The following ACSM5 variants were observed in gnomAD, a reference collection of about 807,000 sequenced individuals.
The protein encoded by ACSM5 is acyl-coenzyme A synthetase ACSM5, mitochondrial.
ACSM5 carries 56 observed loss-of-function variants against 71.6 expected under a neutral mutation model. That is an observed-to-expected ratio of 0.78 (90% CI 0.63 to 0.98). The LOEUF (loss-of-function observed/expected upper bound fraction) is 0.98. Among genes scored for constraint, ACSM5 ranks in the 50% least tolerant of loss-of-function variants. The probability of loss-of-function intolerance (pLI) is 0.00; values close to 1 mark genes in which losing one functional copy is unlikely to be tolerated. For missense variants in ACSM5, 723 were observed against 726.0 expected (o/e 1.00, Z 0.05); for synonymous variants, 285 against 281.5 (o/e 1.01, Z -0.12).
chr16:20,410,531 C>A (rs141508762), intron 1 of ACSM5, among the ~76,000 whole-genome samples: 120 of 152,192 alleles, frequency 7.9e-4, no homozygotes, highest in Non-Finnish European at 1.5e-3. Flanking sequence ...GGGGTTCAAG[C>A]CCTGCCTGGG....
intron 6 of ACSM5, among the ~76,000 whole-genome samples, chr16:20,424,898 T>A (rs1218075654): frequency 6.6e-6 from 1 of 152,254 alleles, no homozygotes; most frequent in African/African-American, 2.4e-5. Context: ...ATTTATGGGG[T>A]ACATGAGATG....
chr16:20,419,577 A>G, intron 4 of ACSM5, 142 bp downstream of exon 4: 1 of 768,046 alleles, frequency 1.3e-6, no homozygotes, highest in South Asian at 1.7e-5. Context: ...TGACCTGAGC[A>G]TAATCCTGGT....
intron 7 of ACSM5, 25 bp from the exon 8 acceptor site, chr16:20,429,653 G>A (rs1967054439): frequency 6.2e-7 from 1 of 1,613,366 alleles, no homozygotes; most frequent in Admixed American, 1.7e-5. Context: ...TGACATAGGT[G>A]GCCTTGTTTT....
At chr16:20,433,728 G>A (rs1967143940) in intron 10 of ACSM5, among the ~76,000 whole-genome samples, 1 of 152,078 alleles carries the variant, frequency 6.6e-6, no homozygotes, top group Non-Finnish European at 1.5e-5. Context: ...AGGCTGGAGT[G>A]CAGTGGCACA....
At chr16:20,431,110 T>TGGAGAG (rs1297486737) in intron 9 of ACSM5, 37 bp downstream of exon 9, 1 of 1,606,726 alleles carries the variant, frequency 6.2e-7, no homozygotes, top group South Asian at 1.1e-5. Context: ...AGGCCTGGCA[T>TGGAGAG]GGAGAGGAGA....
intron 1 of ACSM5, 123 bp from the exon 2 acceptor site, chr16:20,411,347 A>G (rs1966847247): frequency 1.3e-6 from 1 of 747,416 alleles, no homozygotes; most frequent in African/African-American, 1.7e-5. Flanking sequence ...TGGAGAGTTT[A>G]TTCTACAAGT....
In ACSM5 at chr16:20,421,460, GGGT is replaced by G. The variant is rs1392692796; in HGVS notation, c.767+64_767+66del. 24 of 1,430,774 alleles carry G rather than the reference GGGT, an allele frequency of 1.7e-5. No individual in the cohort carries two copies. The Admixed American group carries it at 6.3e-4, about 37-fold the overall frequency. The allele number at this position is 1,430,774 out of a possible 1,614,324, so 88.6% of individuals were successfully genotyped here. On this transcript the variant is annotated intron_variant, in intron 5 of 13. Transcript: ENST00000331849. ...CAGAAAGTGGGGAGTGGTCTGGAGGGGGTGGTGTGAGGGGAAAGGTGTCAGGAA... is the reference window on the plus strand; with the variant it reads ...CAGAAAGTGGGGAGTGGTCTGGAGGGGGTGTGAGGGGAAAGGTGTCAGGAA...
intron 2 of ACSM5, among the ~76,000 whole-genome samples, chr16:20,414,803 A>C (rs1966853487): frequency 6.6e-6 from 1 of 152,224 alleles, no homozygotes; most frequent in African/African-American, 2.4e-5. Flanking sequence ...AGAAATGCAG[A>C]TATTAATGAT....
chr16:20,433,579 G>T (rs368254406), intron 10 of ACSM5, among the ~76,000 whole-genome samples: 1 of 151,882 alleles, frequency 6.6e-6, no homozygotes, highest in Admixed American at 6.6e-5. Context: ...CAAAAGAAAA[G>T]GAGAAAAAGA....
chr16:20,440,034 G>T (rs1967291596), intron 13 of ACSM5, 115 bp downstream of exon 13: 13 of 1,338,678 alleles, frequency 9.7e-6, no homozygotes, highest in South Asian at 1.3e-5. Flanking sequence ...GGAGAAACTT[G>T]TAACCCTGGC....
At chr16:20,421,615 CTATATATATATATATATATATATATATA>C (rs59443556) in intron 5 of ACSM5, among the ~76,000 whole-genome samples, 2 of 105,820 alleles carry the variant, frequency 1.9e-5, no homozygotes, top group East Asian at 2.6e-4. Flanking sequence ...TAAATCGTGG[CTATATATATATATATATATATATATATA>C]TATATATATA....
At chr16:20,429,878 T>G in intron 8 of ACSM5, 77 bp downstream of exon 8, 1 of 1,558,392 alleles carries the variant, frequency 6.4e-7, no homozygotes, top group South Asian at 1.2e-5. Context: ...GTCACCTCCC[T>G]GAAGCTTCTC....
At position 20,440,456 on chromosome 16, in the gene ACSM5, T is replaced by C. The variant is rs776548086; in HGVS notation, c.*29T>C. 17 of 1,576,168 alleles carry C rather than the reference T, an allele frequency of 1.1e-5. No individual in the cohort carries two copies. Among genetic ancestry groups the C allele is most frequent in the Non-Finnish European group, 1.4e-5 (16 of 1,145,352 alleles). ...GCACCCCAGGAAGGCCCCGTAGACCTCCGAAGACTCCACAAGAAACTAATG... is the reference window on the plus strand; with the variant it reads ...GCACCCCAGGAAGGCCCCGTAGACCCCCGAAGACTCCACAAGAAACTAATG... On this transcript the variant is annotated 3_prime_UTR_variant, in exon 14 of 14. Transcript: ENST00000331849.
Position 20,411,706 on chromosome 16 carries a change from C to T in ACSM5, c.204+18C>T. ...TGGAAGAGGTGAAGCCTGTTCTGTC[C>T]TAGAGTCCATCTGGGGCATCTGAGG... is the stretch of plus-strand genomic sequence containing the variant. On this transcript the variant is annotated intron_variant, in intron 2 of 13. Coordinates refer to ENST00000331849, the MANE Select transcript of ACSM5 (RefSeq NM_017888.3). 1.9e-6 allele frequency: 3 copies of T among 1,612,980 alleles called. No homozygotes were observed. In the South Asian group the frequency reaches 3.3e-5, roughly 18 times the overall value.
chr16:20,423,868 A>C, intron 5 of ACSM5, 48 bp from the exon 6 acceptor site: 1 of 1,607,466 alleles, frequency 6.2e-7, no homozygotes, highest in Non-Finnish European at 8.5e-7. Flanking sequence ...ATCCTTTTTA[A>C]AGGTAGAGTC....
In ACSM5 at chr16:20,419,356, G is replaced by A. The variant is rs7192210; in HGVS notation, c.544G>A (p.Glu182Lys). Reference sequence around the variant, plus strand: ...TCCAAGGGTGGATGCCATCAGTGCCGAATGCCCCTCCCTCCAGACCAAGCT... The same window carrying A: ...TCCAAGGGTGGATGCCATCAGTGCCAAATGCCCCTCCCTCCAGACCAAGCT... ...LAPRVDAISA[E>K]CPSLQTKLLV... is the part of the protein sequence containing the mutation. The change falls in exon 4 of 14, where the codon GAA becomes AAA. Residue 182 changes from glutamate (E) to lysine (K), a missense_variant. Physicochemically the swap from Glu to Lys is moderately conservative, Grantham distance 56. Coordinates refer to ENST00000331849, the MANE Select transcript of ACSM5 (RefSeq NM_017888.3). The A allele has an allele frequency of 0.035, 56,714 of 1,614,024 alleles. 3,023 individuals are homozygous for A. The highest frequency in any genetic ancestry group is 0.24 in the African/African-American group (18,182 of 74,938).
intron 5 of ACSM5, among the ~76,000 whole-genome samples, chr16:20,421,685 A>G: frequency 6.9e-6 from 1 of 144,456 alleles, no homozygotes; most frequent in South Asian, 2.2e-4. Context: ...ACATACATAC[A>G]CATATAAACA....
chr16:20,434,281 T>C (rs1389475074), intron 10 of ACSM5, among the ~76,000 whole-genome samples: 1 of 152,224 alleles, frequency 6.6e-6, no homozygotes, highest in Admixed American at 6.5e-5. Flanking sequence ...CCATCTGTGG[T>C]TGATGTATGC....
At position 20,419,890 on chromosome 16, in the gene ACSM5, C is replaced by T. The variant is rs145834148; in HGVS notation, c.623+455C>T. On this transcript the variant is annotated intron_variant, in intron 4 of 13. Coordinates refer to ENST00000331849, the MANE Select transcript of ACSM5 (RefSeq NM_017888.3). ...CACGACAAGCATTGTGTTTGGTGTT[C>T]AGAACACCATAATGGATCAAACATC... 8.7e-4 allele frequency: 198 copies of T among 226,708 alleles called. 1 individual carries two copies. The highest frequency in any genetic ancestry group is 1.2e-3 in the Non-Finnish European group (135 of 113,810). 14.0% of individuals were successfully genotyped at this position (226,708 alleles called of 1,614,324 possible). A position where few individuals can be genotyped will look rare whatever the true frequency, so the allele number is the denominator to read the frequency against.
Sources: gnomAD v4.1 joint callset for allele counts (sites outside exome capture counted in the v4.1 genomes callset) on GRCh38, gnomAD v4.1.1 for gene constraint, MANE v1.5 for transcripts, NCBI Gene and HGNC (gene_info 2026-07-23, HGNC 2026-07-21) for gene names.